Variants in TMEM266 observed in about 807,000 individuals in gnomAD.
TMEM266 encodes the protein transmembrane protein 266.
In TMEM266, 33 loss-of-function variants were observed where a neutral mutation model predicts 50.5. That is an observed-to-expected ratio of 0.65 (90% CI 0.50 to 0.87). TMEM266 has a LOEUF of 0.87. Ranked by LOEUF, TMEM266 falls within the 40% of genes least tolerant of loss-of-function variation. TMEM266 has a pLI of 0.00. For missense variants in TMEM266, 655 were observed against 695.1 expected (o/e 0.94, Z 0.65); for synonymous variants, 310 against 292.3 (o/e 1.06, Z -0.62).
At chr15:76,072,504 C>T (rs1020916821) in intron 1 of TMEM266, among the ~76,000 whole-genome samples, 4 of 151,592 alleles carry the variant, frequency 2.6e-5, no homozygotes, top group Non-Finnish European at 5.9e-5. Flanking sequence ...TGAGTCTAGT[C>T]CCAGCTTTTT....
intron 8 of TMEM266, among the ~76,000 whole-genome samples, chr15:76,178,097 C>A (rs908887133): frequency 1.3e-5 from 2 of 152,098 alleles, no homozygotes; most frequent in Non-Finnish European, 2.9e-5. Flanking sequence ...TGGGGACAGG[C>A]TTGGGAAGGG....
At chr15:76,191,709 C>T (rs1438248018) in intron 8 of TMEM266, 3 of 437,888 alleles carry the variant, frequency 6.9e-6, no homozygotes, top group Admixed American at 4.4e-5. Flanking sequence ...GTTTCCTCTC[C>T]CGGGCATCCG....
In TMEM266 at chr15:76,203,947, G is replaced by T; in HGVS notation, c.1228G>T (p.Asp410Tyr). ...CAGCCAGACGCTGGGCTCCTCCATG[G>T]ACTGCAGCACTGCCCGCGAGGAGCC... Residue 410 changes from aspartate (D) to tyrosine (Y), a missense_variant, in exon 11 of 11, where the codon GAC becomes TAC. By Grantham distance (160) the Asp-to-Tyr change is radical. This residue lies in a region of TMEM266 where 455 missense variants were observed against 401.8 expected (regional missense o/e 1.13). Coordinates refer to ENST00000388942, the MANE Select transcript of TMEM266 (RefSeq NM_152335.3). 2 of 1,613,862 alleles carry T rather than the reference G, an allele frequency of 1.2e-6. No individual in the cohort carries two copies. The highest frequency in any genetic ancestry group is 1.7e-6 in the Non-Finnish European group (2 of 1,179,964).
intron 4 of TMEM266, among the ~76,000 whole-genome samples, chr15:76,159,524 C>A (rs919175747): frequency 2.0e-5 from 3 of 152,234 alleles, no homozygotes; most frequent in Admixed American, 2.0e-4. Context: ...ACACCTCCAC[C>A]CCATGCCCAG....
At chr15:76,158,249 G>T (rs2037957851) in intron 4 of TMEM266, among the ~76,000 whole-genome samples, 1 of 152,180 alleles carries the variant, frequency 6.6e-6, no homozygotes, top group South Asian at 2.1e-4. Flanking sequence ...GGTGAGCACA[G>T]AATTGCTTTT....
chr15:76,073,554 C>T (rs553823802), intron 1 of TMEM266, among the ~76,000 whole-genome samples: 9 of 152,270 alleles, frequency 5.9e-5, no homozygotes, highest in East Asian at 1.9e-4. Flanking sequence ...CTTCTGTACA[C>T]GGTGCAGTTC....
intron 7 of TMEM266, among the ~76,000 whole-genome samples, chr15:76,173,942 T>TAA (rs1223957903): frequency 1.7e-4 from 21 of 122,028 alleles, no homozygotes; most frequent in African/African-American, 4.1e-4. Context: ...CAAAAAAAAA[T>TAA]AAAAAAAAAA....
chr15:76,146,899 T>C (rs1596133900), intron 3 of TMEM266, among the ~76,000 whole-genome samples: 1 of 152,194 alleles, frequency 6.6e-6, no homozygotes, highest in East Asian at 1.9e-4. Context: ...CTCCTCTCTT[T>C]ACAAGTCGGT....
chr15:76,127,538 C>A (rs1462346266), intron 1 of TMEM266, among the ~76,000 whole-genome samples: 1 of 152,092 alleles, frequency 6.6e-6, no homozygotes. Context: ...GTTGGCCAAG[C>A]TGGCCTCTTA....
intron 5 of TMEM266, among the ~76,000 whole-genome samples, chr15:76,167,076 A>T (rs149469515): frequency 2.0e-3 from 302 of 152,336 alleles, no homozygotes; most frequent in African/African-American, 6.4e-3. Flanking sequence ...TGGACACCCC[A>T]GAATTGAGAG....
At chr15:76,086,931 G>A (rs543173710) in intron 1 of TMEM266, among the ~76,000 whole-genome samples, 1 of 98,942 alleles carries the variant, frequency 1.0e-5, no homozygotes, top group Admixed American at 1.4e-4. Flanking sequence ...AGCAGGTCGG[G>A]GGGGGGGCGG....
chr15:76,199,083 C>T lies in TMEM266; in HGVS notation c.959-3119C>T, dbSNP rs558082464. ...GAGTCCAAAGGGTAAACCATGAAGT[C>T]CAATCTAGGACTGGTCACAGGGCCA... On this transcript the variant is annotated intron_variant, in intron 9 of 10. Transcript: ENST00000388942. Among the ~76,000 whole-genome samples the T allele has an allele frequency of 6.6e-4, 101 of 152,336 alleles. 1 individual carries two copies. Among genetic ancestry groups the T allele is most frequent in the African/African-American group, 2.4e-3 (100 of 41,562 alleles).
chr15:76,125,880 G>T (rs1245960470), intron 1 of TMEM266, among the ~76,000 whole-genome samples: 1 of 150,888 alleles, frequency 6.6e-6, no homozygotes. Context: ...TGGGGGGGAT[G>T]GGGATGGCAA....
intron 1 of TMEM266, among the ~76,000 whole-genome samples, chr15:76,085,740 A>G (rs903751758): frequency 9.9e-5 from 15 of 152,204 alleles, no homozygotes; most frequent in Admixed American, 9.2e-4. Flanking sequence ...ATATATGCCA[A>G]AAAAGACATA....
chr15:76,198,173 A>C (rs2038683413), intron 9 of TMEM266, among the ~76,000 whole-genome samples: 1 of 152,146 alleles, frequency 6.6e-6, no homozygotes, highest in Non-Finnish European at 1.5e-5. Flanking sequence ...ATGGATGAAG[A>C]AGCTGAAGCT....
At position 76,204,250 on chromosome 15, in the gene TMEM266, C is replaced by T. The variant is rs1254827519; in HGVS notation, c.1531C>T (p.Leu511=). The T allele has an allele frequency of 1.9e-6, 3 of 1,613,902 alleles. No homozygotes were observed. Among genetic ancestry groups the T allele is most frequent in the Non-Finnish European group, 2.5e-6 (3 of 1,179,992 alleles). The change falls in exon 11 of 11, where the codon CTG becomes TTG. Residue 511 remains leucine (L), a synonymous_variant. Coordinates refer to ENST00000388942, the MANE Select transcript of TMEM266 (RefSeq NM_152335.3). Reference sequence around the variant, plus strand: ...CCACTTCCAGCCCACTGTGCCCATGCTGGAGGACAAGTTCAGATCTTTGGA... The same window carrying T: ...CCACTTCCAGCCCACTGTGCCCATGTTGGAGGACAAGTTCAGATCTTTGGA...
chr15:76,138,079 G>A (rs567069645), intron 3 of TMEM266, among the ~76,000 whole-genome samples, 184 bp downstream of exon 3: 7 of 152,158 alleles, frequency 4.6e-5, no homozygotes, highest in East Asian at 3.9e-4. Flanking sequence ...AAAATTAGCC[G>A]AGTGTGGTGG....
At chr15:76,198,555 G>T (rs965212558) in intron 9 of TMEM266, among the ~76,000 whole-genome samples, 13 of 152,354 alleles carry the variant, frequency 8.5e-5, no homozygotes, top group Non-Finnish European at 1.8e-4. Context: ...TTCCTACTGA[G>T]TGTGTGGTGA....
intron 1 of TMEM266, among the ~76,000 whole-genome samples, chr15:76,076,337 T>G (rs1319623986): frequency 6.6e-6 from 1 of 152,074 alleles, no homozygotes; most frequent in East Asian, 1.9e-4. Context: ...CATCTAACTT[T>G]CTAAATAAAT....
Sources: allele counts gnomAD v4.1 joint callset (sites outside exome capture counted in the v4.1 genomes callset), GRCh38; gene constraint gnomAD v4.1.1; regional missense constraint gnomAD v4.1.1; transcripts MANE v1.5; gene names NCBI Gene and HGNC (gene_info 2026-07-23, HGNC 2026-07-21).